AKAP19: variants seen among roughly 807,000 people sequenced by gnomAD.
AKAP19 encodes small A-kinase anchoring protein.
chr2:189,950,342 T>G, the AKAP19 span, among the ~76,000 whole-genome samples: 1 of 150,404 alleles, frequency 6.6e-6, no homozygotes, highest in African/African-American at 2.4e-5. Context: ...TTGTTTTTTT[T>G]TTTTGTTTTT....
chr2:190,070,440 A>G, the AKAP19 span, among the ~76,000 whole-genome samples: 8 of 150,134 alleles, frequency 5.3e-5, no homozygotes, highest in Admixed American at 5.3e-4. Flanking sequence ...ACCTTGACTT[A>G]TAGTTTAAAA....
the AKAP19 span, among the ~76,000 whole-genome samples, chr2:190,148,178 C>A: frequency 1.3e-5 from 2 of 152,016 alleles, no homozygotes; most frequent in African/African-American, 2.4e-5. Context: ...TGAGGATGTC[C>A]CTTGTTTGCT....
At chr2:190,195,756 T>TGAA in the AKAP19 span, among the ~76,000 whole-genome samples, 1 of 152,206 alleles carries the variant, frequency 6.6e-6, no homozygotes, top group Non-Finnish European at 1.5e-5. Flanking sequence ...AGTTTTTTAG[T>TGAA]GAAGTCCAAC....
At chr2:189,986,545 G>A in the AKAP19 span, among the ~76,000 whole-genome samples, 1 of 152,086 alleles carries the variant, frequency 6.6e-6, no homozygotes, top group African/African-American at 2.4e-5. Context: ...GGGGCATTTG[G>A]CTTAGCAAAA....
At chr2:190,130,102 G>C in the AKAP19 span, among the ~76,000 whole-genome samples, 1 of 152,112 alleles carries the variant, frequency 6.6e-6, no homozygotes, top group African/African-American at 2.4e-5. Context: ...ACCAGGGCAG[G>C]CTAAGTGACC....
chr2:190,099,314 C>T, the AKAP19 span, among the ~76,000 whole-genome samples: 8 of 152,228 alleles, frequency 5.3e-5, no homozygotes, highest in South Asian at 1.0e-3. Flanking sequence ...TAAAGACCAT[C>T]GTAGGGTTAT....
At chr2:189,933,304 C>G in the AKAP19 span, among the ~76,000 whole-genome samples, 1 of 152,108 alleles carries the variant, frequency 6.6e-6, no homozygotes, top group Non-Finnish European at 1.5e-5. Flanking sequence ...GAAACAGTGT[C>G]TTAGAAAATC....
the AKAP19 span, among the ~76,000 whole-genome samples, chr2:189,936,848 C>G: frequency 0.05 from 7,605 of 152,222 alleles, 628 homozygotes; most frequent in African/African-American, 0.17. Context: ...AACTGGGCCA[C>G]GCACAATGCC....
chr2:190,191,811 G>A, the AKAP19 span, among the ~76,000 whole-genome samples: 1 of 152,034 alleles, frequency 6.6e-6, no homozygotes, highest in Non-Finnish European at 1.5e-5. Flanking sequence ...TCTAAACTGG[G>A]TTGTTGTCTT....
At chr2:190,078,407 C>T in the AKAP19 span, among the ~76,000 whole-genome samples, 22 of 152,140 alleles carry the variant, frequency 1.4e-4, no homozygotes, top group East Asian at 3.9e-3. Flanking sequence ...ATAGAAGTCC[C>T]CTTAGAATGC....
the AKAP19 span, among the ~76,000 whole-genome samples, chr2:189,880,371 C>G: frequency 6.6e-6 from 1 of 152,052 alleles, no homozygotes; most frequent in Non-Finnish European, 1.5e-5. Flanking sequence ...TGAGATAGGT[C>G]TCAATAAATT....
chr2:190,092,041 A>G, the AKAP19 span, among the ~76,000 whole-genome samples: 1 of 152,138 alleles, frequency 6.6e-6, no homozygotes, highest in African/African-American at 2.4e-5. Flanking sequence ...TGACTATACT[A>G]TATTGTATTA....
the AKAP19 span, among the ~76,000 whole-genome samples, chr2:190,194,477 TACACACACACACACACACAC>T: frequency 1.1e-3 from 161 of 141,476 alleles, no homozygotes; most frequent in Middle Eastern, 7.2e-3. Flanking sequence ...ATCCTGTGTA[TACACACACACACACACACAC>T]ACACACACAC....
chr2:190,045,404 G>T, the AKAP19 span, among the ~76,000 whole-genome samples: 5 of 152,070 alleles, frequency 3.3e-5, no homozygotes, highest in East Asian at 9.7e-4. Context: ...ATTTCTGTCA[G>T]CTGGAGAACA....
chr2:190,012,901 T>C, the AKAP19 span, among the ~76,000 whole-genome samples: 1 of 152,234 alleles, frequency 6.6e-6, no homozygotes. Flanking sequence ...GTCAATGTGA[T>C]GTGTTACATT....
chr2:190,117,722 A>G, the AKAP19 span, among the ~76,000 whole-genome samples: 1 of 152,256 alleles, frequency 6.6e-6, no homozygotes, highest in African/African-American at 2.4e-5. Context: ...TGCATAAAAT[A>G]CTATCTCTTA....
the AKAP19 span, among the ~76,000 whole-genome samples, chr2:190,094,251 G>A: frequency 6.6e-6 from 1 of 152,116 alleles, no homozygotes; most frequent in Non-Finnish European, 1.5e-5. Context: ...TATTTTTAAA[G>A]GTTTTTTTAA....
chr2:190,001,827 A>G, the AKAP19 span, among the ~76,000 whole-genome samples: 1 of 151,226 alleles, frequency 6.6e-6, no homozygotes, highest in African/African-American at 2.5e-5. Context: ...ATAACTTGGA[A>G]CTACTACTTC....
the AKAP19 span, among the ~76,000 whole-genome samples, chr2:190,165,620 G>C: frequency 1.3e-5 from 2 of 152,138 alleles, no homozygotes; most frequent in Non-Finnish European, 2.9e-5. Flanking sequence ...CAAAGATATA[G>C]AGATGGAAAA....
Sources: gnomAD v4.1 joint callset for allele counts (sites outside exome capture counted in the v4.1 genomes callset) on GRCh38, gnomAD v4.1.1 for gene constraint, MANE v1.5 for transcripts, NCBI Gene and HGNC (gene_info 2026-07-23, HGNC 2026-07-21) for gene names.